RAI14: variants seen among roughly 807,000 people sequenced by gnomAD.
RAI14 encodes the protein retinoic acid induced 14.
A neutral mutation model predicts 115.4 loss-of-function variants in RAI14; 45 were observed. That is an observed-to-expected ratio of 0.39 (90% CI 0.31 to 0.50). The LOEUF (loss-of-function observed/expected upper bound fraction) is 0.50. Ranked by LOEUF, RAI14 falls within the 20% of genes least tolerant of loss-of-function variation. RAI14 has a pLI of 0.85. For missense variants in RAI14, 939 were observed against 1,131.2 expected, an observed-to-expected ratio of 0.83 and a Z score of 2.44; for synonymous variants, 371 against 415.4, an observed-to-expected ratio of 0.89 and a Z score of 1.30.
At chr5:34,671,168 C>T (rs1293732770) in intron 1 of RAI14, among the ~76,000 whole-genome samples, 1 of 152,042 alleles carries the variant, frequency 6.6e-6, no homozygotes, top group Non-Finnish European at 1.5e-5. Context: ...ACCTTGTCAG[C>T]CCTAATTGAG....
intron 2 of RAI14, among the ~76,000 whole-genome samples, chr5:34,749,056 T>C (rs1448163469): frequency 1.3e-5 from 2 of 152,188 alleles, no homozygotes; most frequent in African/African-American, 4.8e-5. Flanking sequence ...TTTCTTAAAA[T>C]GATGAGGTGT....
intron 2 of RAI14, chr5:34,688,142 A>C (rs1400651461): frequency 6.5e-7 from 1 of 1,531,818 alleles, no homozygotes; most frequent in African/African-American, 1.4e-5. Flanking sequence ...CCAGAGTGAA[A>C]GTCCTGGTCA....
intron 2 of RAI14, chr5:34,688,155 C>A: frequency 2.6e-6 from 4 of 1,540,806 alleles, no homozygotes; most frequent in Non-Finnish European, 3.5e-6. Flanking sequence ...CCTGGTCATC[C>A]GACTTCCGAG....
chr5:34,781,826 A>C (rs1392552085), intron 3 of RAI14, among the ~76,000 whole-genome samples: 1 of 152,226 alleles, frequency 6.6e-6, no homozygotes, highest in Non-Finnish European at 1.5e-5. Context: ...CACTAGAGGA[A>C]TTAAAGACAC....
chr5:34,768,666 C>T (rs1476972228), intron 3 of RAI14, among the ~76,000 whole-genome samples: 1 of 152,078 alleles, frequency 6.6e-6, no homozygotes, highest in African/African-American at 2.4e-5. Flanking sequence ...GCCAAACAAT[C>T]CTGAAGAAAA....
In RAI14 at chr5:34,665,198, T is replaced by C. The variant is rs59895399; in HGVS notation, c.-49+8723T>C. 4.1e-3 allele frequency among the ~76,000 whole-genome samples: 311 copies of C among 75,612 alleles called. 105 individuals carry two copies. The highest frequency in any genetic ancestry group is 0.014 in the African/African-American group (286 of 20,130). 49.6% of individuals were successfully genotyped at this position (75,612 alleles called of 152,430 possible). On this transcript the variant is annotated intron_variant, in intron 1 of 17. Coordinates refer to ENST00000265109, the MANE Select transcript of RAI14 (RefSeq NM_015577.3). ...ACACACATATATATATGTATATATA[T>C]ACACACACCACAGTTTCTTTATCCA...
chr5:34,698,455 T>C (rs1739614876), intron 2 of RAI14, among the ~76,000 whole-genome samples: 1 of 152,040 alleles, frequency 6.6e-6, no homozygotes, highest in African/African-American at 2.4e-5. Flanking sequence ...TAAGGTCTTA[T>C]GACTGACACA....
chr5:34,690,878 G>A (rs1303199998), intron 2 of RAI14, among the ~76,000 whole-genome samples: 3 of 152,150 alleles, frequency 2.0e-5, no homozygotes, highest in Non-Finnish European at 2.9e-5. Flanking sequence ...AAATATGGTT[G>A]TTGTCTTTAA....
At chr5:34,820,346 G>C (rs940254182) in intron 13 of RAI14, among the ~76,000 whole-genome samples, 1 of 152,192 alleles carries the variant, frequency 6.6e-6, no homozygotes, top group Non-Finnish European at 1.5e-5. Context: ...TTGGGAGGCC[G>C]AGGTGGGCAG....
In RAI14 at chr5:34,729,906, G is replaced by A. The variant is rs554409919; in HGVS notation, c.37-27562G>A. Among the ~76,000 whole-genome samples, 7 of 152,210 alleles carry A rather than the reference G, an allele frequency of 4.6e-5. No homozygotes were observed. In the East Asian group the frequency reaches 1.3e-3, roughly 29 times the overall value. On this transcript the variant is annotated intron_variant, in intron 2 of 17. Coordinates refer to ENST00000265109, the MANE Select transcript of RAI14 (RefSeq NM_015577.3). ...CCAACAGAATATTTGATGTATTAAG[G>A]CACTAGTATAATTTTTTCTAAAGAT...
At chr5:34,674,897 ATT>A (rs35952675) in intron 1 of RAI14, among the ~76,000 whole-genome samples, 8 of 130,340 alleles carry the variant, frequency 6.1e-5, no homozygotes, top group Admixed American at 8.0e-5. Context: ...ACTTCATTGG[ATT>A]TTTTTTTTTT....
At chr5:34,682,271 A>G (rs1170362474) in intron 1 of RAI14, among the ~76,000 whole-genome samples, 1 of 152,312 alleles carries the variant, frequency 6.6e-6, no homozygotes, top group African/African-American at 2.4e-5. Flanking sequence ...CACCTCCTGA[A>G]AGTGTACAAA....
intron 16 of RAI14, among the ~76,000 whole-genome samples, chr5:34,826,722 C>T (rs2150310453): frequency 6.6e-6 from 1 of 152,312 alleles, no homozygotes; most frequent in East Asian, 1.9e-4. Context: ...ACCGACAGGA[C>T]AGTAGGAGGA....
chr5:34,811,951 TA>T lies in RAI14; in HGVS notation c.736+10del. The T allele has an allele frequency of 6.3e-7, 1 of 1,598,898 alleles. No homozygotes were observed. The highest frequency in any genetic ancestry group is 8.5e-7 in the Non-Finnish European group (1 of 1,171,540). Reference sequence around the variant, plus strand: ...AAAAATCTCTCAGGATGCTGGTATGTAAAAGAAAATAGCCAATGTTGTTTTA... The same window carrying T: ...AAAAATCTCTCAGGATGCTGGTATGTAAAGAAAATAGCCAATGTTGTTTTA... On this transcript the variant is annotated splice_region_variant and intron_variant, in intron 9 of 17. Coordinates refer to ENST00000265109, the MANE Select transcript of RAI14 (RefSeq NM_015577.3).
chr5:34,718,996 G>A (rs1310137313), intron 2 of RAI14, among the ~76,000 whole-genome samples: 2 of 152,182 alleles, frequency 1.3e-5, no homozygotes, highest in African/African-American at 4.8e-5. Flanking sequence ...GGTACTGTAT[G>A]TTCTAGTTAG....
chr5:34,708,339 A>G (rs1740978290), intron 2 of RAI14, among the ~76,000 whole-genome samples: 1 of 151,824 alleles, frequency 6.6e-6, no homozygotes, highest in East Asian at 1.9e-4. Flanking sequence ...AGTAGCTGGG[A>G]TTACAGGCAT....
intron 1 of RAI14, 125 bp from the exon 2 acceptor site, chr5:34,686,747 C>T: frequency 2.1e-6 from 1 of 485,898 alleles, no homozygotes; most frequent in East Asian, 3.3e-5. Context: ...CACTCCTCAG[C>T]TGTTAACTGA....
At position 34,750,163 on chromosome 5, in the gene RAI14, G is replaced by T. The variant is rs150555655; in HGVS notation, c.37-7305G>T. The stretch of plus-strand genomic sequence containing the variant: ...CTCAGGATAATTTACAAGTAGGGGG[G>T]ATTTCCTGCCATTTATAGATAAGGA... On this transcript the variant is annotated intron_variant, in intron 2 of 17. Transcript: ENST00000265109. Among the ~76,000 whole-genome samples the T allele has an allele frequency of 4.0e-3, 603 of 152,184 alleles. 6 individuals are homozygous for T. The highest frequency in any genetic ancestry group is 0.014 in the African/African-American group (583 of 41,514).
chr5:34,828,365 A>G (rs1315751588), intron 16 of RAI14, among the ~76,000 whole-genome samples: 2 of 152,176 alleles, frequency 1.3e-5, no homozygotes, highest in East Asian at 3.9e-4. Context: ...TAGATGGATC[A>G]TTCACACAGA....
Sources: gnomAD v4.1 joint callset for allele counts (sites outside exome capture counted in the v4.1 genomes callset) on GRCh38, gnomAD v4.1.1 for gene constraint, MANE v1.5 for transcripts, NCBI Gene and HGNC (gene_info 2026-07-23, HGNC 2026-07-21) for gene names.